MMP3: variants seen among roughly 807,000 people sequenced by gnomAD.
MMP3 encodes stromelysin-1.
In MMP3, 46 loss-of-function variants were observed where a neutral mutation model predicts 47.3. The ratio of observed to expected loss-of-function variants is 0.97; its 90% CI spans 0.77 to 1.24. The LOEUF (loss-of-function observed/expected upper bound fraction) is 1.24. Ranked by LOEUF, MMP3 falls within the 50% of genes most tolerant of loss-of-function variation. The pLI is 0.00. For synonymous variants in MMP3, 216 were observed against 206.5 expected, an observed-to-expected ratio of 1.05 and a Z score of -0.39; for missense variants, 558 against 565.5, an observed-to-expected ratio of 0.99 and a Z score of 0.13.
intron 4 of MMP3, 22 bp from the exon 5 acceptor site, chr11:102,840,615 ATAGT>A (rs1368056825): frequency 4.3e-6 from 7 of 1,610,502 alleles, no homozygotes; most frequent in Non-Finnish European, 5.9e-6. Context: ...ATTGAGAACA[ATAGT>A]TACTTATTTT....
intron 6 of MMP3, among the ~76,000 whole-genome samples, chr11:102,839,742 T>G (rs1303822749): frequency 6.6e-6 from 1 of 152,226 alleles, no homozygotes; most frequent in Non-Finnish European, 1.5e-5. Flanking sequence ...GTCATGTGCA[T>G]ATTGATCCAT....
intron 1 of MMP3, 36 bp from the exon 2 acceptor site, chr11:102,842,952 C>G (rs782174564): frequency 1.3e-6 from 2 of 1,504,980 alleles, no homozygotes; most frequent in African/African-American, 2.8e-5. Context: ...GTCACTCTTA[C>G]AATTTTTACT....
Position 102,840,535 on chromosome 11 carries a change from G to A in MMP3, c.684C>T (p.His228=). The A allele has an allele frequency of 6.2e-7, 1 of 1,614,116 alleles. No homozygotes were observed. Among genetic ancestry groups the A allele is most frequent in the Non-Finnish European group, 8.5e-7 (1 of 1,180,002 alleles). The part of the protein sequence containing the change: ...HEIGHSLGLF[H]SANTEALMYP... ...ACATCAAAGCTTCAGTGTTGGCTGA[G>A]TGAAAGAGACCCAGGGAGTGGCCAA... Residue 228 remains histidine (H), a synonymous_variant, in exon 5 of 10, where the codon CAC becomes CAT. Coordinates refer to ENST00000299855, the MANE Select transcript of MMP3 (RefSeq NM_002422.5).
intron 8 of MMP3, 106 bp downstream of exon 8, chr11:102,838,445 T>C (rs1555004905): frequency 8.2e-7 from 1 of 1,220,712 alleles, no homozygotes; most frequent in Non-Finnish European, 1.1e-6. Flanking sequence ...CCATCCTTCC[T>C]ACTAAGAGAG....
Position 102,838,738 on chromosome 11 carries a change from T to C in MMP3, c.1070-28A>G, listed in dbSNP as rs1380181017. On this transcript the variant is annotated intron_variant, in intron 7 of 9. Coordinates refer to ENST00000299855, the MANE Select transcript of MMP3 (RefSeq NM_002422.5). ...GTTAAATATAAATAATTCAGAGTCA[T>C]ATTGAATTATAACAGTTAAGCCCTT... The C allele has an allele frequency of 2.5e-6, 4 of 1,590,376 alleles. No homozygotes were observed. The African/African-American group carries it at 4.1e-5, about 16-fold the overall frequency.
At position 102,840,576 on chromosome 11, in the gene MMP3, C is replaced by T. The variant is rs782754459; in HGVS notation, c.643G>A (p.Val215Ile). The T allele has an allele frequency of 2.5e-5, 41 of 1,612,908 alleles. No individual in the cohort carries two copies. The highest frequency in any genetic ancestry group is 6.7e-5 in the East Asian group (3 of 44,882). Reference sequence around the variant, plus strand: ...GAGTGGCCAATTTCATGAGCAGCAACGAGAAATAAATTGGTCCCTATTTAA... The same window carrying T: ...GAGTGGCCAATTTCATGAGCAGCAATGAGAAATAAATTGGTCCCTATTTAA... ...KDTTGTNLFLVAAHEIGHSLG... is the reference protein window; with the variant it reads ...KDTTGTNLFLIAAHEIGHSLG... Residue 215 changes from valine to isoleucine, a missense_variant, in exon 5 of 10, where the codon GTT becomes ATT. Physicochemically the swap from Val to Ile is conservative, Grantham distance 29. Transcript: ENST00000299855.
chr11:102,840,483 G>A lies in MMP3; in HGVS notation c.736C>T (p.Leu246=). ...MYPLYHSLTD[L]TRFRLSQDDI... ...TCTTGAGACAGGCGGAACCGAGTCA[G>A]GTCTGTGAGTGAGTGATAGAGTGGG... The change falls in exon 5 of 10, where the codon CTG becomes TTG. Residue 246 remains leucine (L), a synonymous_variant. Coordinates refer to ENST00000299855, the MANE Select transcript of MMP3 (RefSeq NM_002422.5). 1 of 1,614,100 alleles carries A rather than the reference G, an allele frequency of 6.2e-7. No homozygotes were observed. Among genetic ancestry groups the A allele is most frequent in the Non-Finnish European group, 8.5e-7 (1 of 1,179,976 alleles).
In MMP3 at chr11:102,835,820, T is replaced by C. The variant is rs1466031958; in HGVS notation, c.*306A>G. On this transcript the variant is annotated 3_prime_UTR_variant, in exon 10 of 10. Coordinates refer to ENST00000299855, the MANE Select transcript of MMP3 (RefSeq NM_002422.5). ...ATAAGATAAAATAACTGACAAATCG[T>C]CTTTATTAAATAAGCAAATAGTCTA... 4.5e-6 allele frequency: 1 copy of C among 223,116 alleles called. No homozygotes were observed. Among genetic ancestry groups the C allele is most frequent in the Non-Finnish European group, 8.9e-6 (1 of 112,468 alleles). 13.8% of individuals were successfully genotyped at this position (223,116 alleles called of 1,614,324 possible).
At position 102,842,164 on chromosome 11, in the gene MMP3, C is replaced by A. The variant is rs1453941959; in HGVS notation, c.615G>T (p.Lys205Asn). 3 of 1,605,410 alleles carry A rather than the reference C, an allele frequency of 1.9e-6. No homozygotes were observed. Among genetic ancestry groups the A allele is most frequent in the Admixed American group, 1.7e-5 (1 of 58,500 alleles). ...AGATGTGTAACTAACCTGTTGTATC[C>A]TTTGTCCATTGTTCATCATCATCAA... ...AHFDDDEQWT[K>N]DTTGTNLFLV... Residue 205 changes from lysine to asparagine, a missense_variant, in exon 4 of 10, where the codon AAG becomes AAT. By Grantham distance (94) the Lys-to-Asn change is moderately conservative. Coordinates refer to ENST00000299855, the MANE Select transcript of MMP3 (RefSeq NM_002422.5).
Position 102,842,253 on chromosome 11 carries a change from C to T in MMP3, c.526G>A (p.Gly176Arg). The change falls in exon 4 of 10, where the codon GGA becomes AGA. Residue 176 changes from glycine to arginine, a missense_variant. By Grantham distance (125) the Gly-to-Arg change is moderately radical. Coordinates refer to ENST00000299855, the MANE Select transcript of MMP3 (RefSeq NM_002422.5). ...REHGDFYPFD[G>R]PGNVLAHAYA... ...GCATGGGCCAAAACATTTCCAGGTC[C>T]ATCAAAAGGGTAAAAGTCTCCATGT... 1 of 1,607,366 alleles carries T rather than the reference C, an allele frequency of 6.2e-7. No homozygotes were observed. The highest frequency in any genetic ancestry group is 8.5e-7 in the Non-Finnish European group (1 of 1,178,278).
rs782220811 is a variant in MMP3 at position 102,842,521 on chromosome 11, C to T, written c.409G>A (p.Ala137Thr). ...KDAVDSAVEK[A>T]LKVWEEVTPL... is the part of the protein sequence containing the mutation. ...GTCACCTCTTCCCAGACTTTCAGAG[C>T]TTTCTCAACAGCAGAATCAACAGCA... The change falls in exon 3 of 10, where the codon GCT becomes ACT. Residue 137 changes from alanine (A) to threonine (T), a missense_variant. Coordinates refer to ENST00000299855, the MANE Select transcript of MMP3 (RefSeq NM_002422.5). 6.9e-6 allele frequency: 11 copies of T among 1,591,314 alleles called. No individual in the cohort carries two copies. The East Asian group carries it at 2.3e-4, about 34-fold the overall frequency.
intron 4 of MMP3, among the ~76,000 whole-genome samples, chr11:102,841,725 AAG>A: frequency 6.6e-6 from 1 of 152,054 alleles, no homozygotes; most frequent in Non-Finnish European, 1.5e-5. Flanking sequence ...AAAAAAAAAA[AAG>A]AGAATCTCAG....
chr11:102,837,166 C>T lies in MMP3; in HGVS notation c.1333+132G>A, dbSNP rs550104083. ...GTTCTATAATGAGTACAAATGTAGG[C>T]GAATCAAAATTTTGAGAAGGGAACT... is the stretch of plus-strand genomic sequence containing the variant. On this transcript the variant is annotated intron_variant, in intron 9 of 9. Coordinates refer to ENST00000299855, the MANE Select transcript of MMP3 (RefSeq NM_002422.5). This position sits in a 1 kb window ranked among gnomAD's most constrained non-coding sequence, Gnocchi z 4.4. 339 of 644,936 alleles carry T rather than the reference C, an allele frequency of 5.3e-4. 3 individuals carry two copies. The highest frequency in any genetic ancestry group is 1.9e-3 in the South Asian group (98 of 50,856). The allele number at this position is 644,936 out of a possible 1,614,324, so 40.0% of individuals were successfully genotyped here. A position where few individuals can be genotyped will look rare whatever the true frequency, so the allele number is the denominator to read the frequency against.
Position 102,836,158 on chromosome 11 carries a change from T to A in MMP3, c.1402A>T (p.Thr468Ser). 6.2e-7 allele frequency: 1 copy of A among 1,613,998 alleles called. No homozygotes were observed. Among genetic ancestry groups the A allele is most frequent in the Non-Finnish European group, 8.5e-7 (1 of 1,179,886 alleles). Reference sequence around the variant, plus strand: ...TTAAGCCAGCTGTTACTCTTCAAAGTGTGTGTCACTTTCTTTGCATTTGGG... The same window carrying A: ...TTAAGCCAGCTGTTACTCTTCAAAGAGTGTGTCACTTTCTTTGCATTTGGG... ...FDPNAKKVTH[T>S]LKSNSWLNC The change falls in exon 10 of 10, where the codon ACT (threonine) becomes TCT (serine). Residue 468 changes from threonine to serine, a missense_variant. Physicochemically the swap from Thr to Ser is moderately conservative, Grantham distance 58 (BLOSUM62 1). Coordinates refer to ENST00000299855, the MANE Select transcript of MMP3 (RefSeq NM_002422.5). This position sits in a 1 kb window ranked among gnomAD's most constrained non-coding sequence, Gnocchi z 4.6.
Position 102,842,427 on chromosome 11 carries a change from T to C in MMP3, c.499+4A>G. 7.0e-7 allele frequency: 1 copy of C among 1,437,320 alleles called. No homozygotes were observed. Among genetic ancestry groups the C allele is most frequent in the Non-Finnish European group, 9.4e-7 (1 of 1,058,648 alleles). 89.0% of individuals were successfully genotyped at this position (1,437,320 alleles called of 1,614,324 possible). A position where few individuals can be genotyped will look rare whatever the true frequency, so the allele number is the denominator to read the frequency against. On this transcript the variant is annotated splice_donor_region_variant and intron_variant, in intron 3 of 9. Coordinates refer to ENST00000299855, the MANE Select transcript of MMP3 (RefSeq NM_002422.5). ...TGCTTTTTTTTTTTTTTTTTTTTTT[T>C]TACCTCTAACTGCAAAAGAGATCAT... is the stretch of plus-strand genomic sequence containing the variant.
chr11:102,841,918 C>G (rs1292882793), intron 4 of MMP3, among the ~76,000 whole-genome samples: 4 of 152,020 alleles, frequency 2.6e-5, no homozygotes, highest in African/African-American at 9.7e-5. Flanking sequence ...TCACAAAGAT[C>G]CAGTCATTAA....
In MMP3 at chr11:102,842,831, A is replaced by AT. The variant is rs782038929; in HGVS notation, c.190dup (p.Ile64AsnfsTer33). ...TCCAAGGAACTTCTGCATTTCTCGGATTTTTTTAACAACAGGACCACTGTC... is the reference window on the plus strand; with the variant it reads ...TCCAAGGAACTTCTGCATTTCTCGGATTTTTTTTAACAACAGGACCACTGTC... On this transcript the variant is annotated frameshift_variant, in exon 2 of 10. Transcript: ENST00000299855. LOFTEE classifies it high-confidence loss of function. The AT allele has an allele frequency of 2.5e-5, 40 of 1,613,670 alleles. No individual in the cohort carries two copies. Among genetic ancestry groups the AT allele is most frequent in the Middle Eastern group, 1.6e-4 (1 of 6,084 alleles).
chr11:102,839,085 A>G, intron 7 of MMP3, 25 bp downstream of exon 7: 1 of 1,596,618 alleles, frequency 6.3e-7, no homozygotes. Flanking sequence ...TTGGCAAGTT[A>G]AACAAATGAT....
In MMP3 at chr11:102,835,939, C is replaced by T; in HGVS notation, c.*187G>A. 1.8e-6 allele frequency: 1 copy of T among 548,108 alleles called. No individual in the cohort carries two copies. Among genetic ancestry groups the T allele is most frequent in the South Asian group, 2.7e-5 (1 of 37,568 alleles). 34.0% of individuals were successfully genotyped at this position (548,108 alleles called of 1,614,324 possible). On this transcript the variant is annotated 3_prime_UTR_variant, in exon 10 of 10. Coordinates refer to ENST00000299855, the MANE Select transcript of MMP3 (RefSeq NM_002422.5). ...GACAAGGTGCAAGCTAAGCAGCAGC[C>T]CATTTGAATGCCCTGTAATAACATA...
Sources: allele counts gnomAD v4.1 joint callset (sites outside exome capture counted in the v4.1 genomes callset), GRCh38; gene constraint gnomAD v4.1.1; non-coding constraint Gnocchi (gnomAD v3.1); transcripts MANE v1.5; gene names NCBI Gene and HGNC (gene_info 2026-07-23, HGNC 2026-07-21).